Variants in TGFB1 observed in about 807,000 individuals in gnomAD.
TGFB1 encodes the protein transforming growth factor beta-1 proprotein.
In TGFB1, 19 loss-of-function variants were observed where a neutral mutation model predicts 43.8. The observed-to-expected ratio is 0.43, with a 90% confidence interval of 0.30 to 0.64. The LOEUF (loss-of-function observed/expected upper bound fraction) is 0.64, where lower values mean the gene tolerates loss of function less well. TGFB1 is among the 30% of genes least tolerant of loss of function. The pLI, the probability that TGFB1 is intolerant of heterozygous loss-of-function variation, is 0.11. For missense variants in TGFB1, 445 were observed against 529.8 expected (o/e 0.84, Z 1.57); for synonymous variants, 221 against 236.3 (o/e 0.94, Z 0.60).
At chr19:41,343,642 T>C (rs1012777678) in intron 3 of TGFB1, among the ~76,000 whole-genome samples, 5 of 152,006 alleles carry the variant, frequency 3.3e-5, no homozygotes, top group Admixed American at 2.0e-4. Context: ...CATCCCATTC[T>C]TGATCATTCT....
At chr19:41,342,906 C>T (rs11466333) in intron 3 of TGFB1, among the ~76,000 whole-genome samples, 290 of 152,094 alleles carry the variant, frequency 1.9e-3, no homozygotes, top group African/African-American at 6.4e-3. Flanking sequence ...CCTGGCCTCC[C>T]GAAGTGCTGG....
intron 3 of TGFB1, among the ~76,000 whole-genome samples, chr19:41,342,665 C>A (rs1278569135): frequency 6.6e-6 from 1 of 151,846 alleles, no homozygotes; most frequent in Non-Finnish European, 1.5e-5. Flanking sequence ...CAGGCATGCG[C>A]CACCACACCC....
intron 2 of TGFB1, among the ~76,000 whole-genome samples, chr19:41,347,119 CTCAA>C (rs1175528366): frequency 6.6e-6 from 1 of 152,022 alleles, no homozygotes; most frequent in Non-Finnish European, 1.5e-5. Context: ...ACCTCCTGGG[CTCAA>C]TCAATCCTCC....
At chr19:41,352,211 T>A (rs1260420998) in intron 1 of TGFB1, among the ~76,000 whole-genome samples, 4 of 152,002 alleles carry the variant, frequency 2.6e-5, no homozygotes, top group Non-Finnish European at 4.4e-5. Context: ...AGCTTTTCTG[T>A]CCTTCTTGAA....
chr19:41,353,219 G>T lies in TGFB1; in HGVS notation c.-175C>A. The T allele has an allele frequency of 2.6e-6, 2 of 766,700 alleles. No homozygotes were observed. Among genetic ancestry groups the T allele is most frequent in the Non-Finnish European group, 2.0e-6 (1 of 506,210 alleles). 47.5% of individuals were successfully genotyped at this position (766,700 alleles called of 1,614,324 possible). A position where few individuals can be genotyped will look rare whatever the true frequency, so the allele number is the denominator to read the frequency against. ...GGTGGAGGGGAGGCTTGGACCGGGG[G>T]TGTCTCAGTATCCCACGGAAATAAC... is the stretch of plus-strand genomic sequence containing the variant. On this transcript the variant is annotated 5_prime_UTR_variant, in exon 1 of 7. Coordinates refer to ENST00000221930, the MANE Select transcript of TGFB1 (RefSeq NM_000660.7). This position sits in a 1 kb window ranked among gnomAD's most constrained non-coding sequence, Gnocchi z 5.9.
Position 41,330,980 on chromosome 19 carries a change from C to T in TGFB1, c.*72G>A. On this transcript the variant is annotated 3_prime_UTR_variant, in exon 7 of 7. Coordinates refer to ENST00000221930, the MANE Select transcript of TGFB1 (RefSeq NM_000660.7). Reference sequence around the variant, plus strand: ...CACGGGTGTCCTTAAATACAGCCCCCATGGGCAAGGCAGCGGGGGCGGGGC... The same window carrying T: ...CACGGGTGTCCTTAAATACAGCCCCTATGGGCAAGGCAGCGGGGGCGGGGC... 4 of 1,315,648 alleles carry T rather than the reference C, an allele frequency of 3.0e-6. No homozygotes were observed. Among genetic ancestry groups the T allele is most frequent in the Non-Finnish European group, 3.9e-6 (4 of 1,023,840 alleles). The allele number at this position is 1,315,648 out of a possible 1,614,324, so 81.5% of individuals were successfully genotyped here.
rs755927938 is a variant in TGFB1 at position 41,353,010 on chromosome 19, AGCAGCG to A, written c.29_34del (p.Pro10_Leu11del). The A allele has an allele frequency of 6.5e-6, 10 of 1,533,388 alleles. No individual in the cohort carries two copies. The South Asian group carries it at 9.5e-5, about 15-fold the overall frequency. 95.0% of individuals were successfully genotyped at this position (1,533,388 alleles called of 1,614,324 possible). On this transcript the variant is annotated inframe_deletion, in exon 1 of 7. Transcript: ENST00000221930. The surrounding 1 kb of genome is among the most constrained non-coding windows in gnomAD (Gnocchi z 5.9). ...CACCAGTAGCCACAGCAGCGGTAGC[AGCAGCG>A]GCAGCAGCCGCAGCCCGGAGGGCGG...
rs12461895 is a variant in TGFB1, at chr19:41,342,442, A to C, written c.635-195T>G. On this transcript the variant is annotated intron_variant, in intron 3 of 6. Transcript: ENST00000221930. ...ACAAGGTCTCGCAGCCTCAATCTCC[A>C]AGGCCCAAGCAATCCTCCCATCTCA... Among the ~76,000 whole-genome samples the C allele has an allele frequency of 0.6, 80,386 of 133,344 alleles. 25,135 individuals are homozygous for C. The highest frequency in any genetic ancestry group is 0.75 in the African/African-American group (26,157 of 34,834). 87.5% of individuals were successfully genotyped at this position (133,344 alleles called of 152,430 possible).
Position 41,353,345 on chromosome 19 carries a change from G to A in TGFB1, c.-301C>T, listed in dbSNP as rs1038811600. ...GTCTCCTGGAGGAGAAAGGGTCTAG[G>A]ATGCGCGGGGGCTCAGGAGACAGGC... On this transcript the variant is annotated 5_prime_UTR_variant, in exon 1 of 7. Coordinates refer to ENST00000221930, the MANE Select transcript of TGFB1 (RefSeq NM_000660.7). The surrounding 1 kb of genome is among the most constrained non-coding windows in gnomAD (Gnocchi z 5.9). 5.5e-6 allele frequency: 2 copies of A among 364,552 alleles called. No individual in the cohort carries two copies. The highest frequency in any genetic ancestry group is 2.1e-5 in the African/African-American group (1 of 46,848). 22.6% of individuals were successfully genotyped at this position (364,552 alleles called of 1,614,324 possible).
intron 2 of TGFB1, among the ~76,000 whole-genome samples, chr19:41,346,439 G>C (rs934165866): frequency 6.6e-6 from 1 of 152,180 alleles, no homozygotes; most frequent in African/African-American, 2.4e-5. Context: ...CAGACTCCAA[G>C]AAGCCAAGCT....
intron 5 of TGFB1, among the ~76,000 whole-genome samples, chr19:41,339,125 AT>A (rs35169655): frequency 1.0e-3 from 147 of 140,610 alleles, no homozygotes; most frequent in Admixed American, 2.5e-3. Flanking sequence ...TTCAGGTTTG[AT>A]TTTTTTTTTT....
chr19:41,346,879 C>A (rs772486810), intron 2 of TGFB1, among the ~76,000 whole-genome samples: 2 of 152,018 alleles, frequency 1.3e-5, no homozygotes, highest in Admixed American at 6.6e-5. Context: ...GTGCCTGCCA[C>A]CACACCTGGC....
At chr19:41,344,090 C>T (rs1257989861) in intron 3 of TGFB1, among the ~76,000 whole-genome samples, 1 of 144,390 alleles carries the variant, frequency 6.9e-6, no homozygotes, top group Non-Finnish European at 1.5e-5. Flanking sequence ...TCAGGTGATT[C>T]TCCCACCTCA....
rs200868154 is a variant in TGFB1, at chr19:41,352,960, C to T, written c.85G>A (p.Gly29Arg). The T allele has an allele frequency of 3.7e-5, 58 of 1,546,930 alleles. No individual in the cohort carries two copies. Among genetic ancestry groups the T allele is most frequent in the Middle Eastern group, 1.7e-4 (1 of 5,988 alleles). Reference protein sequence around the residue: ...LVLTPGRPAAGLSTCKTIDME... With the variant: ...LVLTPGRPAARLSTCKTIDME... ...TCGATAGTCTTGCAGGTGGATAGTC[C>T]CGCGGCCGGCCGGCCAGGCGTCAGC... Residue 29 changes from glycine (G) to arginine (R), a missense_variant, in exon 1 of 7, where the codon GGA becomes AGA. Gly to Arg is a moderately radical substitution (Grantham distance 125). Coordinates refer to ENST00000221930, the MANE Select transcript of TGFB1 (RefSeq NM_000660.7).
chr19:41,337,162 CG>C (rs1175065275), intron 5 of TGFB1, among the ~76,000 whole-genome samples: 1 of 151,704 alleles, frequency 6.6e-6, no homozygotes, highest in East Asian at 1.9e-4. Context: ...TTTTTTGAGA[CG>C]GGAGTCTCAC....
chr19:41,348,716 A>G (rs994527163), intron 1 of TGFB1, among the ~76,000 whole-genome samples: 1 of 151,022 alleles, frequency 6.6e-6, no homozygotes, highest in Non-Finnish European at 1.5e-5. Flanking sequence ...CTCCGCCTCC[A>G]GGGTTCAAGC....
At position 41,330,987 on chromosome 19, in the gene TGFB1, A is replaced by G. The variant is rs2037922130; in HGVS notation, c.*65T>C. ...GTCCTTAAATACAGCCCCCATGGGC[A>G]AGGCAGCGGGGGCGGGGCGGGGTGG... On this transcript the variant is annotated 3_prime_UTR_variant, in exon 7 of 7. Coordinates refer to ENST00000221930, the MANE Select transcript of TGFB1 (RefSeq NM_000660.7). 7.5e-7 allele frequency: 1 copy of G among 1,339,276 alleles called. No homozygotes were observed. Among genetic ancestry groups the G allele is most frequent in the Non-Finnish European group, 9.7e-7 (1 of 1,034,658 alleles). The allele number at this position is 1,339,276 out of a possible 1,614,324, so 83.0% of individuals were successfully genotyped here.
chr19:41,352,980 G>C lies in TGFB1; in HGVS notation c.65C>G (p.Thr22Arg). ...TAGTCCCGCGGCCGGCCGGCCAGGC[G>C]TCAGCACCAGTAGCCACAGCAGCGG... The part of the protein sequence containing the change: ...LLPLLWLLVL[T>R]PGRPAAGLST... Residue 22 changes from threonine to arginine, a missense_variant, in exon 1 of 7, where the codon ACG (threonine) becomes AGG (arginine). Transcript: ENST00000221930. The C allele has an allele frequency of 6.5e-7, 1 of 1,541,412 alleles. No homozygotes were observed. The highest frequency in any genetic ancestry group is 1.2e-5 in the South Asian group (1 of 84,368).
Position 41,330,926 on chromosome 19 carries a change from C to A in TGFB1, c.*126G>T. 1 of 831,508 alleles carries A rather than the reference C, an allele frequency of 1.2e-6. No homozygotes were observed. The highest frequency in any genetic ancestry group is 1.7e-6 in the Non-Finnish European group (1 of 574,692). 51.5% of individuals were successfully genotyped at this position (831,508 alleles called of 1,614,324 possible). ...CAGAGATCCGCAGTCCTCTCTCCAT[C>A]TTTAATGGGGCCCCAGGTGGGCTTG... is the stretch of plus-strand genomic sequence containing the variant. On this transcript the variant is annotated 3_prime_UTR_variant, in exon 7 of 7. Transcript: ENST00000221930.
Sources: gnomAD v4.1 joint callset for allele counts (sites outside exome capture counted in the v4.1 genomes callset) on GRCh38, gnomAD v4.1.1 for gene constraint, Gnocchi (gnomAD v3.1) non-coding constraint, MANE v1.5 for transcripts, NCBI Gene and HGNC (gene_info 2026-07-23, HGNC 2026-07-21) for gene names.